Variants in RAD9A observed in about 807,000 individuals in gnomAD.
The protein encoded by RAD9A is RAD9 checkpoint clamp component A.
Under a neutral mutation model 41.2 loss-of-function variants are expected in RAD9A, and 25 were observed. The observed-to-expected ratio is 0.61, with a 90% CI of 0.44 to 0.85. The LOEUF is 0.85. RAD9A is among the 40% of genes least tolerant of loss of function. RAD9A has a pLI of 0.00. For missense variants in RAD9A, 514 were observed against 518.3 expected (o/e 0.99, Z 0.08); for synonymous variants, 252 against 210.6 (o/e 1.20, Z -1.70).
At chr11:67,396,042 T>G in intron 7 of RAD9A, 21 bp downstream of exon 7, 3 of 1,613,812 alleles carry the variant, frequency 1.9e-6, no homozygotes, top group Non-Finnish European at 2.5e-6. Context: ...TCCCAGGCGC[T>G]CGCCGTCCTG....
rs1324386631 is a variant in RAD9A at position 67,398,006 on chromosome 11, T to G, written c.*447T>G. ...CATGCATCTGGGACCCCCGTGGAGCTGACAAGTTTTCCTTGCTTTCCTGAT... is the reference window on the plus strand; with the variant it reads ...CATGCATCTGGGACCCCCGTGGAGCGGACAAGTTTTCCTTGCTTTCCTGAT... On this transcript the variant is annotated 3_prime_UTR_variant, in exon 11 of 11. Coordinates refer to ENST00000307980, the MANE Select transcript of RAD9A (RefSeq NM_004584.3). The G allele has an allele frequency of 5.0e-6, 1 of 198,340 alleles. No individual in the cohort carries two copies. Among genetic ancestry groups the G allele is most frequent in the Non-Finnish European group, 1.0e-5 (1 of 96,836 alleles). 12.3% of individuals were successfully genotyped at this position (198,340 alleles called of 1,614,324 possible).
rs1862753596 is a variant in RAD9A at position 67,397,610 on chromosome 11, A to G, written c.*51A>G. On this transcript the variant is annotated 3_prime_UTR_variant, in exon 11 of 11. Transcript: ENST00000307980. ...GAGGCCTTGGACTAGACGAAGCCCC[A>G]GCCAGTGGCAGAACTGGGTCTCTCA... The G allele has an allele frequency of 6.8e-7, 1 of 1,471,282 alleles. No homozygotes were observed. Among genetic ancestry groups the G allele is most frequent in the Non-Finnish European group, 9.3e-7 (1 of 1,070,916 alleles). The allele number at this position is 1,471,282 out of a possible 1,614,324, so 91.1% of individuals were successfully genotyped here.
intron 2 of RAD9A, 24 bp downstream of exon 2, chr11:67,392,255 C>CGGGGGGGGGGGGGGG: frequency 4.4e-6 from 2 of 453,538 alleles, no homozygotes; most frequent in East Asian, 5.1e-5. Flanking sequence ...GTGTGGGGGG[C>CGGGGGGGGGGGGGGG]GGGTGGGACT....
Position 67,392,065 on chromosome 11 carries a change from C to A in RAD9A, c.21C>A (p.Gly7=). The A allele has an allele frequency of 1.3e-6, 2 of 1,585,046 alleles. No individual in the cohort carries two copies. The highest frequency in any genetic ancestry group is 1.7e-6 in the Non-Finnish European group (2 of 1,167,468). Residue 7 remains glycine (G), a synonymous_variant, in exon 1 of 11, where the codon GGC becomes GGA. Coordinates refer to ENST00000307980, the MANE Select transcript of RAD9A (RefSeq NM_004584.3). MKCLVT[G]GNVKVLGKAV... Reference sequence around the variant, plus strand: ...GCAGCATGAAGTGCCTGGTCACGGGCGGCAACGTGAAGGGTGAGTGCAGGT... The same window carrying A: ...GCAGCATGAAGTGCCTGGTCACGGGAGGCAACGTGAAGGGTGAGTGCAGGT...
intron 9 of RAD9A, among the ~76,000 whole-genome samples, chr11:67,396,729 G>A (rs1318040622): frequency 6.6e-6 from 1 of 152,198 alleles, no homozygotes. Flanking sequence ...TGCCTGGGCT[G>A]GGGGAAGCAG....
chr11:67,394,128 T>C (rs1440349860), intron 5 of RAD9A, among the ~76,000 whole-genome samples: 1 of 152,212 alleles, frequency 6.6e-6, no homozygotes, highest in Non-Finnish European at 1.5e-5. Flanking sequence ...CCAAATCTCT[T>C]GTCTGGCTTG....
rs1333176741 is a variant in RAD9A, at chr11:67,395,738, C to A, written c.472C>A (p.Pro158Thr). 1 of 1,610,554 alleles carries A rather than the reference C, an allele frequency of 6.2e-7. No individual in the cohort carries two copies. Among genetic ancestry groups the A allele is most frequent in the Non-Finnish European group, 8.5e-7 (1 of 1,178,406 alleles). ...CAGGGTTCTGGGGGAGGCTGTTCTG[C>A]CCTTCTCTCCTGCACTGGCTGAAGT... ...PARVLGEAVLPFSPALAEVTL... is the reference protein window; with the variant it reads ...PARVLGEAVLTFSPALAEVTL... Residue 158 changes from proline (P) to threonine (T), a missense_variant, in exon 6 of 11, where the codon CCC (proline) becomes ACC (threonine). By Grantham distance (38) the Pro-to-Thr change is conservative (BLOSUM62 -1). Around this residue, in one of 3 missense-constraint regions of RAD9A, gnomAD observed 268 missense variants for 279.3 expected, o/e 0.96. Transcript: ENST00000307980.
rs899733204 is a variant in RAD9A at position 67,397,968 on chromosome 11, C to G, written c.*409C>G. Reference sequence around the variant, plus strand: ...TCTGCCAATCATGACCTGTTCCTTCCTGAAGTCCTGGGCATGCATCTGGGA... The same window carrying G: ...TCTGCCAATCATGACCTGTTCCTTCGTGAAGTCCTGGGCATGCATCTGGGA... On this transcript the variant is annotated 3_prime_UTR_variant, in exon 11 of 11. Transcript: ENST00000307980. 4 of 210,506 alleles carry G rather than the reference C, an allele frequency of 1.9e-5. No individual in the cohort carries two copies. The highest frequency in any genetic ancestry group is 3.8e-5 in the Non-Finnish European group (4 of 104,912). 13.0% of individuals were successfully genotyped at this position (210,506 alleles called of 1,614,324 possible). A position where few individuals can be genotyped will look rare whatever the true frequency, so the allele number is the denominator to read the frequency against.
chr11:67,393,797 A>C lies in RAD9A; in HGVS notation c.449+7A>C. ...TGCTCCGCGCCCCAGCACGGTGAGC[A>C]CACCCCTGCCCTCAGCTCAGCCCCG... is the stretch of plus-strand genomic sequence containing the variant. On this transcript the variant is annotated splice_region_variant and intron_variant, in intron 5 of 10. Transcript: ENST00000307980. 1 of 1,594,900 alleles carries C rather than the reference A, an allele frequency of 6.3e-7. No individual in the cohort carries two copies. The highest frequency in any genetic ancestry group is 8.5e-7 in the Non-Finnish European group (1 of 1,170,400).
At chr11:67,394,271 C>T (rs933231683) in intron 5 of RAD9A, among the ~76,000 whole-genome samples, 12 of 152,190 alleles carry the variant, frequency 7.9e-5, no homozygotes, top group Non-Finnish European at 1.8e-4. Context: ...CGAGGAGTCC[C>T]CAAGGCCAGG....
chr11:67,396,020 G>T lies in RAD9A; in HGVS notation c.668G>T (p.Arg223Leu). Reference protein sequence around the residue: ...VAITFCLKEFRGLLSFAESAN... With the variant: ...VAITFCLKEFLGLLSFAESAN... Reference sequence around the variant, plus strand: ...ATCACTTTCTGCCTCAAGGAATTCCGGGTGAGGTTCCTCCCAGGCGCTCGC... The same window carrying T: ...ATCACTTTCTGCCTCAAGGAATTCCTGGTGAGGTTCCTCCCAGGCGCTCGC... The change falls in exon 7 of 11, where the codon CGG becomes CTG. Residue 223 changes from arginine to leucine, a missense_variant and splice_region_variant. This residue lies in a region of RAD9A where 30 missense variants were observed against 54.8 expected (regional missense o/e 0.55). Coordinates refer to ENST00000307980, the MANE Select transcript of RAD9A (RefSeq NM_004584.3). 3 of 1,614,104 alleles carry T rather than the reference G, an allele frequency of 1.9e-6. No homozygotes were observed. The highest frequency in any genetic ancestry group is 2.5e-6 in the Non-Finnish European group (3 of 1,180,006).
At position 67,396,349 on chromosome 11, in the gene RAD9A, A is replaced by T; in HGVS notation, c.821A>T (p.Asp274Val). ...TLSDTDSHSQ[D>V]LGSPERHQPV... ...TCAGACACCGACTCGCACTCCCAGGACCTGGGCTCCCCAGAGCGTCACCAG... is the reference window on the plus strand; with the variant it reads ...TCAGACACCGACTCGCACTCCCAGGTCCTGGGCTCCCCAGAGCGTCACCAG... Residue 274 changes from aspartate to valine, a missense_variant, in exon 9 of 11, where the codon GAC becomes GTC. Transcript: ENST00000307980. The T allele has an allele frequency of 6.2e-7, 1 of 1,613,868 alleles. No individual in the cohort carries two copies. Among genetic ancestry groups the T allele is most frequent in the Non-Finnish European group, 8.5e-7 (1 of 1,179,992 alleles).
Position 67,397,712 on chromosome 11 carries a change from C to T in RAD9A, c.*153C>T, listed in dbSNP as rs1396638400. 2.8e-6 allele frequency: 2 copies of T among 708,786 alleles called. No homozygotes were observed. The highest frequency in any genetic ancestry group is 4.6e-6 in the Non-Finnish European group (2 of 434,386). 43.9% of individuals were successfully genotyped at this position (708,786 alleles called of 1,614,324 possible). ...TCTCGCAGGCCCCAGCTGGCTGTCA[C>T]TGTAAAGCTGTCCCACAGCGGTCGG... On this transcript the variant is annotated 3_prime_UTR_variant, in exon 11 of 11. Coordinates refer to ENST00000307980, the MANE Select transcript of RAD9A (RefSeq NM_004584.3).
Position 67,397,247 on chromosome 11 carries a change from T to G in RAD9A, c.941T>G (p.Ile314Arg). The change falls in exon 10 of 11, where the codon ATA becomes AGA. Residue 314 changes from isoleucine (I) to arginine (R), a missense_variant. Physicochemically the swap from Ile to Arg is moderately conservative, Grantham distance 97. Coordinates refer to ENST00000307980, the MANE Select transcript of RAD9A (RefSeq NM_004584.3). ...TACATGATCGCCATGGAAACCACTA[T>G]AGGCAATGAGGGCTCGCGGGTGCTG... ...DSYMIAMETT[I>R]GNEGSRVLPS... 1 of 1,613,378 alleles carries G rather than the reference T, an allele frequency of 6.2e-7. No homozygotes were observed. The highest frequency in any genetic ancestry group is 8.5e-7 in the Non-Finnish European group (1 of 1,179,678).
intron 5 of RAD9A, 192 bp from the exon 6 acceptor site, chr11:67,395,524 G>A (rs1162493164): frequency 3.4e-6 from 2 of 588,536 alleles, no homozygotes; most frequent in Non-Finnish European, 3.0e-6. Flanking sequence ...TGCATGGTCA[G>A]GTGCCGCCTG....
chr11:67,393,855 G>T, intron 5 of RAD9A, 65 bp downstream of exon 5: 1 of 1,339,044 alleles, frequency 7.5e-7, no homozygotes, highest in South Asian at 1.4e-5. Flanking sequence ...GGCCCCAAGG[G>T]GTTGATTTTA....
chr11:67,395,987 G>A lies in RAD9A; in HGVS notation c.635G>A (p.Gly212Glu). The change falls in exon 7 of 11, where the codon GGG (glycine) becomes GAG (glutamate). Residue 212 changes from glycine (G) to glutamate (E), a missense_variant. Coordinates refer to ENST00000307980, the MANE Select transcript of RAD9A (RefSeq NM_004584.3). ...TTCCAGCAGCTGCAGGCCCAGGAAG[G>A]GGTGGCCATCACTTTCTGCCTCAAG... ...EDFQQLQAQE[G>E]VAITFCLKEF... 1 of 1,614,140 alleles carries A rather than the reference G, an allele frequency of 6.2e-7. No individual in the cohort carries two copies. Among genetic ancestry groups the A allele is most frequent in the Non-Finnish European group, 8.5e-7 (1 of 1,180,024 alleles).
chr11:67,394,107 C>T (rs1862615098), intron 5 of RAD9A, among the ~76,000 whole-genome samples: 1 of 152,240 alleles, frequency 6.6e-6, no homozygotes, highest in Non-Finnish European at 1.5e-5. Context: ...GAGCACATTT[C>T]TGGCCTGCCA....
chr11:67,393,327 C>A, intron 3 of RAD9A, 169 bp from the exon 4 acceptor site: 1 of 1,362,918 alleles, frequency 7.3e-7, no homozygotes, highest in Non-Finnish European at 9.4e-7. Context: ...GCATTCCAAG[C>A]ATAAGGAAGA....
Sources: gnomAD v4.1 joint callset for allele counts (sites outside exome capture counted in the v4.1 genomes callset) on GRCh38, gnomAD v4.1.1 for gene constraint, gnomAD v4.1.1 regional missense constraint, MANE v1.5 for transcripts, NCBI Gene and HGNC (gene_info 2026-07-23, HGNC 2026-07-21) for gene names.